Variants in GPC5 observed in about 807,000 individuals in gnomAD.
GPC5 encodes the protein glypican-5.
In GPC5, 47 loss-of-function variants were observed where a neutral mutation model predicts 53.9. That is an observed-to-expected ratio of 0.87 (90% CI 0.69 to 1.11). The LOEUF (loss-of-function observed/expected upper bound fraction) is 1.11. Among genes scored for constraint, GPC5 ranks in the 50% most tolerant of loss-of-function variants. The pLI is 0.00. For synonymous variants in GPC5, 286 were observed against 263.3 expected (o/e 1.09, Z -0.84); for missense variants, 748 against 713.1 (o/e 1.05, Z -0.56).
intron 7 of GPC5, among the ~76,000 whole-genome samples, chr13:92,154,566 A>T (rs2041930016): frequency 6.6e-6 from 1 of 152,190 alleles, no homozygotes; most frequent in African/African-American, 2.4e-5. Flanking sequence ...TCATGAACCC[A>T]GTTTTAAAAA....
intron 2 of GPC5, among the ~76,000 whole-genome samples, chr13:91,508,791 C>CTATGTCAA (rs1279658640): frequency 6.6e-6 from 1 of 152,168 alleles, no homozygotes; most frequent in Non-Finnish European, 1.5e-5. Context: ...GTAAAAAACT[C>CTATGTCAA]TATGTCAATG....
At chr13:91,412,394 T>C (rs1050270554) in intron 1 of GPC5, among the ~76,000 whole-genome samples, 1 of 152,370 alleles carries the variant, frequency 6.6e-6, no homozygotes, top group Admixed American at 6.5e-5. Flanking sequence ...AAGAACATGA[T>C]TGTATTTGAA....
At chr13:92,271,255 C>G (rs1294646648) in intron 7 of GPC5, among the ~76,000 whole-genome samples, 1 of 152,186 alleles carries the variant, frequency 6.6e-6, no homozygotes, top group African/African-American at 2.4e-5. Context: ...TTTGGGGAGA[C>G]ATGGAACATG....
chr13:91,786,607 G>A (rs1469066246), intron 5 of GPC5, among the ~76,000 whole-genome samples: 5 of 151,960 alleles, frequency 3.3e-5, no homozygotes, highest in East Asian at 1.9e-4. Context: ...TTTTCATATC[G>A]TGATTTAAGA....
rs376306471 is a variant in GPC5 at position 91,402,746 on chromosome 13, G to A, written c.163+3537G>A. Among the ~76,000 whole-genome samples, 5 of 152,148 alleles carry A rather than the reference G, an allele frequency of 3.3e-5. No individual in the cohort carries two copies. The East Asian group carries it at 7.7e-4, about 23-fold the overall frequency. On this transcript the variant is annotated intron_variant, in intron 1 of 7. Transcript: ENST00000377067. Reference sequence around the variant, plus strand: ...GTCTTGATTTTAACTTGATTTTTAAGGATGACATTTTAATTTTAGATCTTT... The same window carrying A: ...GTCTTGATTTTAACTTGATTTTTAAAGATGACATTTTAATTTTAGATCTTT...
At chr13:91,568,654 G>C (rs2031645496) in intron 2 of GPC5, among the ~76,000 whole-genome samples, 1 of 151,456 alleles carries the variant, frequency 6.6e-6, no homozygotes, top group South Asian at 2.1e-4. Context: ...AAATTGTCTA[G>C]GTTTGTTAAT....
intron 7 of GPC5, among the ~76,000 whole-genome samples, chr13:92,656,091 C>T (rs1038300012): frequency 5.3e-5 from 8 of 152,022 alleles, no homozygotes; most frequent in African/African-American, 1.9e-4. Context: ...ATATCATGTT[C>T]AGCTATACAC....
chr13:92,408,215 T>C (rs1454272663), intron 7 of GPC5, among the ~76,000 whole-genome samples: 1 of 152,208 alleles, frequency 6.6e-6, no homozygotes, highest in Admixed American at 6.5e-5. Flanking sequence ...TAATGCCTGA[T>C]GATCTGTCAC....
chr13:92,185,668 A>G (rs2042178932), intron 7 of GPC5, among the ~76,000 whole-genome samples: 1 of 152,172 alleles, frequency 6.6e-6, no homozygotes, highest in Non-Finnish European at 1.5e-5. Flanking sequence ...GCTAAGAGTA[A>G]ATAAAACAAA....
chr13:92,545,905 G>T (rs1192929481), intron 7 of GPC5, among the ~76,000 whole-genome samples: 1 of 152,124 alleles, frequency 6.6e-6, no homozygotes, highest in Non-Finnish European at 1.5e-5. Flanking sequence ...CTTTTGCTGT[G>T]CAGAAGCTCT....
chr13:91,928,713 G>A (rs779835945), intron 6 of GPC5, among the ~76,000 whole-genome samples: 1 of 152,004 alleles, frequency 6.6e-6, no homozygotes, highest in Non-Finnish European at 1.5e-5. Flanking sequence ...CTACAACTCT[G>A]GACTTTCAGA....
chr13:91,497,456 A>C (rs922967375), intron 2 of GPC5, among the ~76,000 whole-genome samples: 3 of 152,190 alleles, frequency 2.0e-5, no homozygotes, highest in Non-Finnish European at 4.4e-5. Flanking sequence ...AGAAGAGATG[A>C]CAATTTTTTA....
intron 7 of GPC5, among the ~76,000 whole-genome samples, chr13:92,769,002 G>C (rs1875514942): frequency 6.6e-6 from 1 of 152,076 alleles, no homozygotes. Context: ...ATATAAATAA[G>C]TACGAACATA....
chr13:91,631,598 A>G (rs922959797), intron 2 of GPC5, among the ~76,000 whole-genome samples: 1 of 151,910 alleles, frequency 6.6e-6, no homozygotes, highest in Non-Finnish European at 1.5e-5. Flanking sequence ...GTGAGCTGCA[A>G]CTCTTTTAAA....
chr13:92,409,420 G>A (rs1875946261), intron 7 of GPC5, among the ~76,000 whole-genome samples: 1 of 152,014 alleles, frequency 6.6e-6, no homozygotes, highest in Non-Finnish European at 1.5e-5. Context: ...AGTTCAGTGA[G>A]CAAGAAGTAT....
chr13:92,290,265 CACTT>C (rs1594072738), intron 7 of GPC5, among the ~76,000 whole-genome samples: 1 of 152,236 alleles, frequency 6.6e-6, no homozygotes, highest in African/African-American at 2.4e-5. Context: ...AAGCAATAGA[CACTT>C]AGTGAGGAAT....
intron 2 of GPC5, among the ~76,000 whole-genome samples, chr13:91,534,743 G>A (rs1886506424): frequency 6.6e-6 from 1 of 152,144 alleles, no homozygotes; most frequent in Non-Finnish European, 1.5e-5. Context: ...CCTGGAAATT[G>A]TAATTCCTCA....
chr13:92,166,946 TCTCTCTCTCTCA>T (rs1168704233), intron 7 of GPC5, among the ~76,000 whole-genome samples: 70 of 69,144 alleles, frequency 1.0e-3, no homozygotes, highest in Admixed American at 2.2e-3. Context: ...TCTCTCTCTC[TCTCTCTCTCTCA>T]CACACACACA....
At chr13:91,530,468 T>C (rs1886294102) in intron 2 of GPC5, among the ~76,000 whole-genome samples, 1 of 152,212 alleles carries the variant, frequency 6.6e-6, no homozygotes, top group South Asian at 2.1e-4. Flanking sequence ...TTCGAACATT[T>C]TGGGCTGGAG....
Sources: allele counts gnomAD v4.1 joint callset (sites outside exome capture counted in the v4.1 genomes callset), GRCh38; gene constraint gnomAD v4.1.1; transcripts MANE v1.5; gene names NCBI Gene and HGNC (gene_info 2026-07-23, HGNC 2026-07-21).